HTR3B: variants seen among roughly 807,000 people sequenced by gnomAD.
HTR3B encodes 5-hydroxytryptamine (serotonin) receptor 3B, ionotropic.
In HTR3B, 44 loss-of-function variants were observed where a neutral mutation model predicts 42.8. That is an observed-to-expected ratio of 1.03 (90% CI 0.81 to 1.32). HTR3B has a LOEUF of 1.32. Ranked by LOEUF, HTR3B falls within the 40% of genes most tolerant of loss-of-function variation. The probability of loss-of-function intolerance (pLI) is 0.00; values close to 1 mark genes in which losing one functional copy is unlikely to be tolerated. For missense variants in HTR3B, 527 were observed against 536.5 expected, an observed-to-expected ratio of 0.98 and a Z score of 0.17; for synonymous variants, 203 against 209.0, an observed-to-expected ratio of 0.97 and a Z score of 0.25.
At chr11:113,917,290 G>T (rs1448056536) in intron 2 of HTR3B, among the ~76,000 whole-genome samples, 1 of 151,702 alleles carries the variant, frequency 6.6e-6, no homozygotes, top group East Asian at 2.0e-4. Context: ...CTGCCACCAC[G>T]CCCAGCTAAT....
At chr11:113,912,606 A>G (rs191016629) in intron 2 of HTR3B, among the ~76,000 whole-genome samples, 23 of 152,368 alleles carry the variant, frequency 1.5e-4, no homozygotes, top group Non-Finnish European at 2.2e-4. Flanking sequence ...GTGTATACTT[A>G]ATGAGAAACT....
At chr11:113,942,427 C>G (rs773225221) in intron 6 of HTR3B, among the ~76,000 whole-genome samples, 2 of 152,148 alleles carry the variant, frequency 1.3e-5, no homozygotes, top group Non-Finnish European at 2.9e-5. Context: ...CCATTGCACT[C>G]TAGCCTGGGC....
intron 1 of HTR3B, among the ~76,000 whole-genome samples, chr11:113,907,911 C>T (rs1175059397): frequency 6.6e-6 from 1 of 152,138 alleles, no homozygotes; most frequent in East Asian, 1.9e-4. Context: ...ACTTCCCTCC[C>T]CTGGGGTACA....
In HTR3B at chr11:113,909,402, A is replaced by G. The variant is rs763618184; in HGVS notation, c.160A>G (p.Thr54Ala). Residue 54 changes from threonine to alanine, a missense_variant, in exon 2 of 9, where the codon ACC becomes GCC. Coordinates refer to ENST00000260191, the MANE Select transcript of HTR3B (RefSeq NM_006028.5). ...HKEVRPVYNWTKATTVYLDLF... is the reference protein window; with the variant it reads ...HKEVRPVYNWAKATTVYLDLF... ...AGAAGTGAGACCTGTTTACAACTGG[A>G]CCAAGGCCACCACAGTCTACCTGGA... The G allele has an allele frequency of 4.3e-6, 7 of 1,614,044 alleles. No individual in the cohort carries two copies. The East Asian group carries it at 1.6e-4, about 36-fold the overall frequency.
chr11:113,928,792 C>T (rs1400365188), intron 2 of HTR3B, among the ~76,000 whole-genome samples: 1 of 152,216 alleles, frequency 6.6e-6, no homozygotes, highest in Middle Eastern at 3.2e-3. Context: ...CCACCTCGGC[C>T]TCCCAAAGTG....
At chr11:113,935,654 AGGCACCT>A (rs2137528486) in intron 6 of HTR3B, among the ~76,000 whole-genome samples, 1 of 152,254 alleles carries the variant, frequency 6.6e-6, no homozygotes, top group African/African-American at 2.4e-5. Context: ...TTAGCAACCA[AGGCACCT>A]GGCTTTCCTT....
chr11:113,905,811 A>G (rs1162018744), intron 1 of HTR3B, among the ~76,000 whole-genome samples: 2 of 152,224 alleles, frequency 1.3e-5, no homozygotes, highest in Non-Finnish European at 1.5e-5. Flanking sequence ...AGTCAATTAT[A>G]GAGATGAGTT....
chr11:113,900,581 C>A (rs1253616672), upstream of HTR3B, among the ~76,000 whole-genome samples: 1 of 152,062 alleles, frequency 6.6e-6, no homozygotes, highest in East Asian at 1.9e-4. Flanking sequence ...GCAACCTCTG[C>A]CTTCTGGGTT....
intron 6 of HTR3B, among the ~76,000 whole-genome samples, chr11:113,935,963 G>A (rs568466566): frequency 2.6e-5 from 4 of 152,172 alleles, no homozygotes; most frequent in South Asian, 2.1e-4. Context: ...CATAGCTGCC[G>A]ACTCTGGGAC....
At chr11:113,901,706 A>G (rs1335811064), upstream of HTR3B, among the ~76,000 whole-genome samples, 3 of 152,208 alleles carry the variant, frequency 2.0e-5, no homozygotes, top group East Asian at 5.8e-4. Context: ...GAAAGTTGTA[A>G]TGTACCTGTA....
intron 2 of HTR3B, among the ~76,000 whole-genome samples, chr11:113,925,417 GTTTTTTTTT>G (rs201996305): frequency 0.048 from 4,853 of 100,750 alleles, 347 homozygotes; most frequent in East Asian, 0.34. Flanking sequence ...TTACGAATTT[GTTTTTTTTT>G]TTTTTTTTTT....
chr11:113,946,345 T>C lies in HTR3B; in HGVS notation c.*208T>C, dbSNP rs527907094. ...GTGAGACCACATCTCTACCAGTAAA[T>C]AAATAAATAAATAAATAAATAAATA... On this transcript the variant is annotated 3_prime_UTR_variant, in exon 9 of 9. Transcript: ENST00000260191. The C allele has an allele frequency of 1.9e-4, 17 of 91,158 alleles. No homozygotes were observed. The highest frequency in any genetic ancestry group is 6.5e-4 in the Admixed American group (5 of 7,646). The allele number at this position is 91,158 out of a possible 1,614,324, so 5.6% of individuals were successfully genotyped here. A position where few individuals can be genotyped will look rare whatever the true frequency, so the allele number is the denominator to read the frequency against.
In HTR3B at chr11:113,947,542, C is replaced by T. The variant is rs1950189362; in HGVS notation, c.*1405C>T. Among the ~76,000 whole-genome samples, 1 of 152,170 alleles carries T rather than the reference C, an allele frequency of 6.6e-6. No individual in the cohort carries two copies. The highest frequency in any genetic ancestry group is 1.5e-5 in the Non-Finnish European group (1 of 68,036). On this transcript the variant is annotated 3_prime_UTR_variant, in exon 9 of 9. Transcript: ENST00000260191. ...AGGGTGGGTGGCTTTCTTCTGAGCC[C>T]TGTCCTTGGCTTGCAGGTTGCTGAC...
At chr11:113,942,185 C>T (rs1950140932) in intron 6 of HTR3B, among the ~76,000 whole-genome samples, 1 of 152,156 alleles carries the variant, frequency 6.6e-6, no homozygotes, top group African/African-American at 2.4e-5. Context: ...GCCTGGCCAA[C>T]ATGGTGAAAC....
In HTR3B at chr11:113,929,674, T is replaced by C. The variant is rs1251898105; in HGVS notation, c.214-1710T>C. On this transcript the variant is annotated intron_variant, in intron 2 of 8. Coordinates refer to ENST00000260191, the MANE Select transcript of HTR3B (RefSeq NM_006028.5). ...CTCGAGCATCTTTTAATGTGCTTAT[T>C]GGTCATTTGTGTATCTACTTTAGAG... Among the ~76,000 whole-genome samples the C allele has an allele frequency of 2.0e-5, 3 of 152,188 alleles. No individual in the cohort carries two copies. In the East Asian group the frequency reaches 5.8e-4, roughly 29 times the overall value.
At chr11:113,935,062 ACT>A (rs924348569) in intron 6 of HTR3B, among the ~76,000 whole-genome samples, 29 of 150,556 alleles carry the variant, frequency 1.9e-4, no homozygotes, top group Admixed American at 4.0e-4. Flanking sequence ...ACACACACAC[ACT>A]CTCTCTCTCT....
chr11:113,931,758 G>A lies in HTR3B; in HGVS notation c.259G>A (p.Val87Ile). 6.3e-7 allele frequency: 1 copy of A among 1,588,934 alleles called. No individual in the cohort carries two copies. Among genetic ancestry groups the A allele is most frequent in the Non-Finnish European group, 8.6e-7 (1 of 1,157,146 alleles). ...TTTTCTTTTTGGCTACTACTAACAG[G>A]TCTGGAATGATGAATTTTTATCCTG... is the stretch of plus-strand genomic sequence containing the variant. The part of the protein sequence containing the change: ...ILKTSVWYQE[V>I]WNDEFLSWNS... The change falls in exon 4 of 9, where the codon GTC (valine) becomes ATC (isoleucine). Residue 87 changes from valine to isoleucine, a missense_variant and splice_region_variant. Coordinates refer to ENST00000260191, the MANE Select transcript of HTR3B (RefSeq NM_006028.5).
Position 113,933,050 on chromosome 11 carries a change from T to C in HTR3B, c.653T>C (p.Ile218Thr), listed in dbSNP as rs1950053172. The C allele has an allele frequency of 6.2e-7, 1 of 1,614,082 alleles. No individual in the cohort carries two copies. Among genetic ancestry groups the C allele is most frequent in the African/African-American group, 1.3e-5 (1 of 74,940 alleles). ...CTATCTGTGTCCTCCACATACAGCATCCTGCAGAGCAGCGCTGGAGGATTT... is the reference window on the plus strand; with the variant it reads ...CTATCTGTGTCCTCCACATACAGCACCCTGCAGAGCAGCGCTGGAGGATTT... ...ELLSVSSTYSILQSSAGGFAQ... is the reference protein window; with the variant it reads ...ELLSVSSTYSTLQSSAGGFAQ... The change falls in exon 6 of 9, where the codon ATC becomes ACC. Residue 218 changes from isoleucine to threonine, a missense_variant. Physicochemically the swap from Ile to Thr is moderately conservative, Grantham distance 89. Coordinates refer to ENST00000260191, the MANE Select transcript of HTR3B (RefSeq NM_006028.5).
chr11:113,910,278 G>A (rs1476061300), intron 2 of HTR3B, among the ~76,000 whole-genome samples: 1 of 152,142 alleles, frequency 6.6e-6, no homozygotes, highest in Non-Finnish European at 1.5e-5. Context: ...TCTGAAAGAT[G>A]GGCTGTGGGA....
Sources: gnomAD v4.1 joint callset for allele counts (sites outside exome capture counted in the v4.1 genomes callset) on GRCh38, gnomAD v4.1.1 for gene constraint, MANE v1.5 for transcripts, NCBI Gene and HGNC (gene_info 2026-07-23, HGNC 2026-07-21) for gene names.